Variants in OTOA observed in about 807,000 individuals in gnomAD.
OTOA encodes the protein otoancorin, also known as cancer/testis antigen 108.
Under a neutral mutation model 110.8 loss-of-function variants are expected in OTOA, and 70 were observed. The ratio of observed to expected loss-of-function variants is 0.63; its 90% confidence interval spans 0.52 to 0.77. OTOA has a LOEUF of 0.77. Among genes scored for constraint, OTOA ranks in the 30% least tolerant of loss-of-function variants. The probability of loss-of-function intolerance (pLI) is 0.00; values close to 1 mark genes in which losing one functional copy is unlikely to be tolerated. For missense variants in OTOA, 917 were observed against 1,075.8 expected, an observed-to-expected ratio of 0.85 and a Z score of 2.06; for synonymous variants, 373 against 431.5, an observed-to-expected ratio of 0.86 and a Z score of 1.68.
intron 17 of OTOA, among the ~76,000 whole-genome samples, chr16:21,721,001 C>T (rs992077214): frequency 2.6e-5 from 4 of 151,238 alleles, no homozygotes; most frequent in African/African-American, 2.4e-5. Flanking sequence ...CTGCAACCTC[C>T]GCCCCTGGGT....
intron 1 of OTOA, among the ~76,000 whole-genome samples, chr16:21,675,362 G>A (rs1966855871): frequency 1.7e-5 from 2 of 120,774 alleles, no homozygotes; most frequent in Non-Finnish European, 3.2e-5. Context: ...TCACCATGTT[G>A]GCCAGGCTGG....
chr16:21,706,420 C>A (rs1357176962), intron 12 of OTOA, among the ~76,000 whole-genome samples: 2 of 152,294 alleles, frequency 1.3e-5, no homozygotes, highest in African/African-American at 4.8e-5. Flanking sequence ...TGCCAGGTGC[C>A]ACCCTCAGAG....
At position 21,728,398 on chromosome 16, in the gene OTOA, C is replaced by A. The variant is rs1269901207; in HGVS notation, c.2174C>A (p.Ala725Asp). ...CCAGACCTCAACCCTGAGCAAAAGG[C>A]TGCAGTGAGGCTCAAGCTCCTGGGA... is the stretch of plus-strand genomic sequence containing the variant. ...DCPDLNPEQK[A>D]AVRLKLLGQY... The change falls in exon 20 of 29, where the codon GCT (alanine) becomes GAT (aspartate). Residue 725 changes from alanine to aspartate, a missense_variant. By Grantham distance (126) the Ala-to-Asp change is moderately radical (BLOSUM62 -2). Around this residue, in one of 6 missense-constraint regions of OTOA, gnomAD observed 840 missense variants for 910.2 expected, o/e 0.92. Coordinates refer to ENST00000646100, the MANE Select transcript of OTOA (RefSeq NM_144672.4). The A allele has an allele frequency of 3.7e-6, 6 of 1,614,122 alleles. No individual in the cohort carries two copies. The highest frequency in any genetic ancestry group is 5.1e-6 in the Non-Finnish European group (6 of 1,180,016).
intron 11 of OTOA, 107 bp downstream of exon 11, chr16:21,701,134 C>G: frequency 6.5e-7 from 1 of 1,529,552 alleles, no homozygotes; most frequent in South Asian, 1.1e-5. Flanking sequence ...GGTGGCTGGT[C>G]CATCTCTTTG....
At chr16:21,702,527 G>A (rs1247669050) in intron 11 of OTOA, among the ~76,000 whole-genome samples, 6 of 152,122 alleles carry the variant, frequency 3.9e-5, no homozygotes, top group Non-Finnish European at 8.8e-5. Context: ...TACTAATGGT[G>A]TGATCTTTGC....
rs150731370 is a variant in OTOA at position 21,721,767 on chromosome 16, C to A, written c.1807-1138C>A. Among the ~76,000 whole-genome samples, 382 of 152,162 alleles carry A rather than the reference C, an allele frequency of 2.5e-3. 2 individuals are homozygous for A. The highest frequency in any genetic ancestry group is 8.5e-3 in the African/African-American group (355 of 41,522). On this transcript the variant is annotated intron_variant, in intron 17 of 28. Transcript: ENST00000646100. ...ATTAGCCAAATATGGTGGCACATGC[C>A]TGTAGTCCTAGCTACTTGGGAAACT...
At chr16:21,715,304 ACCTT>A in intron 14 of OTOA, 152 bp downstream of exon 14, 4 of 991,210 alleles carry the variant, frequency 4.0e-6, no homozygotes, top group Non-Finnish European at 6.3e-6. Context: ...CTGGTGGCAC[ACCTT>A]CCTTCCTTTC....
chr16:21,688,469 A>G (rs1464581547), intron 8 of OTOA, among the ~76,000 whole-genome samples: 2 of 152,134 alleles, frequency 1.3e-5, no homozygotes, highest in African/African-American at 4.8e-5. Context: ...GTGTTACTAA[A>G]TCCTAGCTAG....
At chr16:21,681,911 C>A in intron 6 of OTOA, 86 bp downstream of exon 6, 1 of 1,253,966 alleles carries the variant, frequency 8.0e-7, no homozygotes, top group South Asian at 1.2e-5. Context: ...GAGAAGTGGG[C>A]TGGATGTAGA....
rs1459528133 is a variant in OTOA, at chr16:21,710,109, C to T, written c.1320+6C>T. Reference sequence around the variant, plus strand: ...AATACTTGGCCCATGAGAAGGTCAGCTGGAGTTTTAAACTCTTTTTTATTC... The same window carrying T: ...AATACTTGGCCCATGAGAAGGTCAGTTGGAGTTTTAAACTCTTTTTTATTC... On this transcript the variant is annotated splice_donor_region_variant and intron_variant, in intron 13 of 28. Transcript: ENST00000646100. 2.5e-6 allele frequency: 4 copies of T among 1,606,658 alleles called. No homozygotes were observed. The highest frequency in any genetic ancestry group is 2.7e-5 in the African/African-American group (2 of 74,732).
chr16:21,697,866 T>G lies in OTOA; in HGVS notation c.831T>G (p.Ser277Arg). 1 of 1,613,572 alleles carries G rather than the reference T, an allele frequency of 6.2e-7. No individual in the cohort carries two copies. The change falls in exon 10 of 29, where the codon AGT (serine) becomes AGG (arginine). Residue 277 changes from serine to arginine, a missense_variant. Physicochemically the swap from Ser to Arg is moderately radical, Grantham distance 110. Transcript: ENST00000646100. Reference sequence around the variant, plus strand: ...CGTTTGAAGAAATTACGAAAATTAGTCCTATAGAAGTAAGTTGGAAAAGTA... The same window carrying G: ...CGTTTGAAGAAATTACGAAAATTAGGCCTATAGAAGTAAGTTGGAAAAGTA... ...HLSFEEITKI[S>R]PIEIGLFISY...
At chr16:21,706,062 T>C (rs192776587) in intron 12 of OTOA, among the ~76,000 whole-genome samples, 105 of 152,022 alleles carry the variant, frequency 6.9e-4, no homozygotes, top group Non-Finnish European at 1.1e-3. Flanking sequence ...TGCACTCTAG[T>C]TGGATGACAG....
At chr16:21,692,504 CAGAAATT>C (rs1268680734) in intron 9 of OTOA, among the ~76,000 whole-genome samples, 2 of 152,078 alleles carry the variant, frequency 1.3e-5, no homozygotes, top group African/African-American at 4.8e-5. Context: ...TTCATAGAGA[CAGAAATT>C]AGAATGGTGG....
intron 6 of OTOA, among the ~76,000 whole-genome samples, chr16:21,682,398 G>T (rs1053039620): frequency 2.6e-5 from 4 of 152,204 alleles, no homozygotes; most frequent in Non-Finnish European, 5.9e-5. Context: ...CTGCAAAGGA[G>T]CCATGTACCC....
chr16:21,696,624 C>CAGTG (rs1248179478), intron 9 of OTOA, among the ~76,000 whole-genome samples: 1 of 151,938 alleles, frequency 6.6e-6, no homozygotes, highest in Non-Finnish European at 1.5e-5. Context: ...GGCTGGAATG[C>CAGTG]AGTGATGTGA....
chr16:21,722,792 A>G (rs1367351235), intron 17 of OTOA, 113 bp from the exon 18 acceptor site: 13 of 904,798 alleles, frequency 1.4e-5, no homozygotes, highest in Non-Finnish European at 2.4e-5. Flanking sequence ...AGGGTGCTCT[A>G]TTGCATAAAT....
intron 13 of OTOA, 59 bp downstream of exon 13, chr16:21,710,162 C>A: frequency 7.0e-7 from 1 of 1,428,632 alleles, no homozygotes; most frequent in Non-Finnish European, 9.7e-7. Context: ...TGTATTAGAC[C>A]TGCCAGGCTG....
chr16:21,680,935 T>G (rs527302624), intron 5 of OTOA, among the ~76,000 whole-genome samples: 1 of 152,140 alleles, frequency 6.6e-6, no homozygotes, highest in South Asian at 2.1e-4. Flanking sequence ...TTTTCATGTG[T>G]GAACAAATTT....
intron 21 of OTOA, among the ~76,000 whole-genome samples, chr16:21,732,289 A>G (rs1040481375): frequency 2.6e-5 from 4 of 152,072 alleles, no homozygotes; most frequent in Non-Finnish European, 4.4e-5. Context: ...TTATATATCC[A>G]TCTATTTTTT....
Sources: gnomAD v4.1 joint callset for allele counts (sites outside exome capture counted in the v4.1 genomes callset) on GRCh38, gnomAD v4.1.1 for gene constraint, gnomAD v4.1.1 regional missense constraint, MANE v1.5 for transcripts, NCBI Gene and HGNC (gene_info 2026-07-23, HGNC 2026-07-21) for gene names.